Variants in REDIC1 observed in about 807,000 individuals in gnomAD.
REDIC1 encodes the protein HEI10 Interacting Protein 1.
the REDIC1 span, among the ~76,000 whole-genome samples, chr12:39,658,387 G>A: frequency 6.6e-6 from 1 of 152,088 alleles, no homozygotes; most frequent in Non-Finnish European, 1.5e-5. Flanking sequence ...GCCCAGCCTG[G>A]ATCAAAATAC....
chr12:39,886,505 T>A, the REDIC1 span, among the ~76,000 whole-genome samples: 1 of 152,144 alleles, frequency 6.6e-6, no homozygotes, highest in East Asian at 1.9e-4. Flanking sequence ...TAGGGGGTAC[T>A]ACATGACATT....
the REDIC1 span, among the ~76,000 whole-genome samples, chr12:39,902,919 T>C: frequency 2.6e-5 from 4 of 152,130 alleles, no homozygotes; most frequent in African/African-American, 9.7e-5. Context: ...TTGCATCTTA[T>C]TCCCTGTTGA....
the REDIC1 span, among the ~76,000 whole-genome samples, chr12:39,873,959 T>C: frequency 4.2e-3 from 633 of 152,274 alleles, 6 homozygotes; most frequent in African/African-American, 0.015. Context: ...ACCTAGTGTA[T>C]AAGCTATGTG....
the REDIC1 span, among the ~76,000 whole-genome samples, chr12:39,698,484 A>G: frequency 6.6e-6 from 1 of 152,204 alleles, no homozygotes; most frequent in Non-Finnish European, 1.5e-5. Flanking sequence ...TCTGTACTAT[A>G]GATCAAATGG....
At chr12:39,850,587 G>C in the REDIC1 span, among the ~76,000 whole-genome samples, 48 of 152,206 alleles carry the variant, frequency 3.2e-4, no homozygotes, top group African/African-American at 1.1e-3. Context: ...AATTGTATCT[G>C]TGCCAACATT....
At chr12:39,738,766 G>T in the REDIC1 span, among the ~76,000 whole-genome samples, 3 of 152,204 alleles carry the variant, frequency 2.0e-5, no homozygotes, top group African/African-American at 4.8e-5. Context: ...TCCTTGGGCT[G>T]CTTTTACTTG....
At chr12:39,713,873 ATATT>A in the REDIC1 span, among the ~76,000 whole-genome samples, 3 of 148,642 alleles carry the variant, frequency 2.0e-5, no homozygotes, top group Non-Finnish European at 4.5e-5. Context: ...ATATATATGT[ATATT>A]TACGTATATA....
At chr12:39,671,333 A>T in the REDIC1 span, among the ~76,000 whole-genome samples, 1 of 152,122 alleles carries the variant, frequency 6.6e-6, no homozygotes, top group Non-Finnish European at 1.5e-5. Context: ...TTCCTCATTG[A>T]CTTAGGCCAC....
the REDIC1 span, among the ~76,000 whole-genome samples, chr12:39,875,540 G>GA: frequency 1.3e-5 from 2 of 152,138 alleles, no homozygotes; most frequent in Non-Finnish European, 2.9e-5. Context: ...TCCTTGGGGG[G>GA]ACCATTATTC....
chr12:39,750,153 G>A, the REDIC1 span, among the ~76,000 whole-genome samples: 1 of 152,186 alleles, frequency 6.6e-6, no homozygotes, highest in Non-Finnish European at 1.5e-5. Flanking sequence ...TGACATGATT[G>A]TGTATTTAGA....
the REDIC1 span, among the ~76,000 whole-genome samples, chr12:39,680,786 A>ACT: frequency 2.3e-4 from 35 of 149,586 alleles, no homozygotes; most frequent in African/African-American, 6.4e-4. Flanking sequence ...ACACACACAC[A>ACT]CTCTCTCACA....
chr12:39,735,906 C>T, the REDIC1 span, among the ~76,000 whole-genome samples: 2 of 152,070 alleles, frequency 1.3e-5, no homozygotes, highest in Admixed American at 6.5e-5. Context: ...GGGGTGAACC[C>T]CAGTATGATT....
At chr12:39,891,986 A>G in the REDIC1 span, among the ~76,000 whole-genome samples, 1 of 152,196 alleles carries the variant, frequency 6.6e-6, no homozygotes, top group Admixed American at 6.5e-5. Flanking sequence ...TTTTTTTACT[A>G]GGTTTAATCA....
chr12:39,641,393 A>G, the REDIC1 span, among the ~76,000 whole-genome samples: 1 of 151,820 alleles, frequency 6.6e-6, no homozygotes, highest in African/African-American at 2.4e-5. Flanking sequence ...TATATACCTT[A>G]CAACTGAGCA....
At chr12:39,713,854 TATAC>T in the REDIC1 span, among the ~76,000 whole-genome samples, 4 of 148,360 alleles carry the variant, frequency 2.7e-5, no homozygotes, top group Non-Finnish European at 6.0e-5. Context: ...TATATGCATA[TATAC>T]ATACATATAT....
At chr12:39,672,713 G>C in the REDIC1 span, among the ~76,000 whole-genome samples, 1 of 152,066 alleles carries the variant, frequency 6.6e-6, no homozygotes, top group African/African-American at 2.4e-5. Flanking sequence ...AGAGTACTGG[G>C]GGGCTCTGCT....
At chr12:39,763,283 A>G in the REDIC1 span, among the ~76,000 whole-genome samples, 3 of 152,224 alleles carry the variant, frequency 2.0e-5, no homozygotes, top group Non-Finnish European at 4.4e-5. Flanking sequence ...ATTAGGAGAG[A>G]GAAGAGTTTT....
chr12:39,712,386 A>G, the REDIC1 span, among the ~76,000 whole-genome samples: 1 of 129,752 alleles, frequency 7.7e-6, no homozygotes, highest in Non-Finnish European at 1.6e-5. Flanking sequence ...ATACCTATAT[A>G]TATACCTGTA....
the REDIC1 span, among the ~76,000 whole-genome samples, chr12:39,833,961 A>G: frequency 2.6e-5 from 4 of 151,672 alleles, no homozygotes; most frequent in East Asian, 1.9e-4. Flanking sequence ...CCCTCAGTCT[A>G]TAGGGTTCCT....
Sources: allele counts gnomAD v4.1 joint callset (sites outside exome capture counted in the v4.1 genomes callset), GRCh38; gene constraint gnomAD v4.1.1; transcripts MANE v1.5; gene names NCBI Gene and HGNC (gene_info 2026-07-23, HGNC 2026-07-21).